CCDC125: variants seen among roughly 807,000 people sequenced by gnomAD.
The protein encoded by CCDC125 is coiled-coil domain-containing protein 125.
A neutral mutation model predicts 57.4 loss-of-function variants in CCDC125; 43 were observed. The ratio of observed to expected loss-of-function variants is 0.75; its 90% CI spans 0.59 to 0.97. The LOEUF is 0.97. CCDC125 is among the 50% of genes least tolerant of loss of function. The pLI, the probability that CCDC125 is intolerant of heterozygous loss-of-function variation, is 0.00. For missense variants in CCDC125, 563 were observed against 595.7 expected (o/e 0.95, Z 0.57); for synonymous variants, 187 against 195.2 (o/e 0.96, Z 0.35).
chr5:69,273,295 CTA>C, the CCDC125 span, among the ~76,000 whole-genome samples: 1 of 150,816 alleles, frequency 6.6e-6, no homozygotes, highest in Admixed American at 6.6e-5. Flanking sequence ...AAATACATGT[CTA>C]TTTCACATAA....
intron 3 of CCDC125, chr5:69,313,685 C>A: frequency 1.3e-6 from 1 of 759,624 alleles, no homozygotes; most frequent in South Asian, 1.4e-5. Context: ...TGTCGATGGT[C>A]TGGTCCACAT....
rs1759807596 is a variant in CCDC125, at chr5:69,320,240, T to TGCTA, written c.297_300dup (p.Thr101Ter). ...AGAGGAAATTCAGCATTCTTACCAG[T>TGCTA]GCTACTTTGTCGTCTGTAATTGGAA... On this transcript the variant is annotated stop_gained and frameshift_variant, in exon 2 of 12. Transcript: ENST00000396496. LOFTEE classifies it high-confidence loss of function. The TGCTA allele has an allele frequency of 1.2e-6, 2 of 1,612,140 alleles. No individual in the cohort carries two copies. The highest frequency in any genetic ancestry group is 3.3e-5 in the Admixed American group (2 of 59,832).
intron 7 of CCDC125, 96 bp from the exon 8 acceptor site, chr5:69,300,223 GCAATACA>G: frequency 1.2e-6 from 1 of 862,926 alleles, no homozygotes; most frequent in East Asian, 2.4e-5. Context: ...TTTCGTACAA[GCAATACA>G]CTACCCACAA....
chr5:69,323,290 CAGAG>C (rs1760326267), intron 1 of CCDC125, among the ~76,000 whole-genome samples: 1 of 150,104 alleles, frequency 6.7e-6, no homozygotes, highest in Non-Finnish European at 1.5e-5. Context: ...GCCTGGGCGA[CAGAG>C]AAAGACTCCA....
chr5:69,278,703 CTTT>C (rs34258569), downstream of CCDC125, among the ~76,000 whole-genome samples: 3 of 108,122 alleles, frequency 2.8e-5, no homozygotes, highest in African/African-American at 3.6e-5. Context: ...TCTCTCTCTC[CTTT>C]TTTTTTTTTT....
At chr5:69,327,298 G>A (rs1006556795) in intron 1 of CCDC125, among the ~76,000 whole-genome samples, 7 of 151,930 alleles carry the variant, frequency 4.6e-5, no homozygotes, top group Admixed American at 2.6e-4. Flanking sequence ...GTTTCACCGC[G>A]TTAGCCAGGA....
chr5:69,329,891 A>G (rs569592396), intron 1 of CCDC125, among the ~76,000 whole-genome samples: 1 of 152,258 alleles, frequency 6.6e-6, no homozygotes. Flanking sequence ...ACTAGAAACA[A>G]TATTTCTGGC....
chr5:69,306,300 G>A (rs1304569419), intron 6 of CCDC125, among the ~76,000 whole-genome samples: 2 of 151,950 alleles, frequency 1.3e-5, no homozygotes, highest in Non-Finnish European at 2.9e-5. Context: ...TTTTAAGATA[G>A]AGTTTATACT....
At chr5:69,318,161 T>G (rs1027043847) in intron 2 of CCDC125, among the ~76,000 whole-genome samples, 4 of 151,570 alleles carry the variant, frequency 2.6e-5, no homozygotes, top group East Asian at 2.0e-4. Flanking sequence ...TTTGTATTTT[T>G]AGTACAGATG....
At chr5:69,321,473 G>A (rs1352097168) in intron 1 of CCDC125, among the ~76,000 whole-genome samples, 1 of 152,118 alleles carries the variant, frequency 6.6e-6, no homozygotes, top group Non-Finnish European at 1.5e-5. Flanking sequence ...AAACCTAGAT[G>A]GTATAGCCTA....
At position 69,282,237 on chromosome 5, in the gene CCDC125, G is replaced by A. The variant is rs1752546152; in HGVS notation, c.*492C>T. On this transcript the variant is annotated 3_prime_UTR_variant, in exon 12 of 12. Coordinates refer to ENST00000396496, the MANE Select transcript of CCDC125 (RefSeq NM_176816.5). ...CAGTAATGTAATTTATAAATAAAAT[G>A]TCAACACAGAATACTAATTTCTTGT... is the stretch of plus-strand genomic sequence containing the variant. 1 of 151,752 alleles carries A rather than the reference G, an allele frequency of 6.6e-6. No homozygotes were observed. 9.4% of individuals were successfully genotyped at this position (151,752 alleles called of 1,614,324 possible). A position where few individuals can be genotyped will look rare whatever the true frequency, so the allele number is the denominator to read the frequency against.
chr5:69,320,097 T>C, intron 2 of CCDC125, 140 bp downstream of exon 2: 4 of 837,138 alleles, frequency 4.8e-6, no homozygotes, highest in Non-Finnish European at 7.4e-6. Context: ...CACTCCAGCC[T>C]GGGTGACAGA....
chr5:69,297,967 T>C (rs1418908358), intron 8 of CCDC125, among the ~76,000 whole-genome samples: 1 of 151,064 alleles, frequency 6.6e-6, no homozygotes, highest in East Asian at 2.0e-4. Context: ...AGTAAGGCCC[T>C]GTCTCAAAAA....
intron 8 of CCDC125, among the ~76,000 whole-genome samples, chr5:69,299,709 A>C (rs1459390222): frequency 1.3e-5 from 2 of 152,242 alleles, no homozygotes; most frequent in Non-Finnish European, 2.9e-5. Flanking sequence ...GAAAGCACTC[A>C]AACGGTAAGC....
At chr5:69,308,217 A>G in intron 4 of CCDC125, 189 bp from the exon 5 acceptor site, 1 of 595,458 alleles carries the variant, frequency 1.7e-6, no homozygotes, top group Non-Finnish European at 3.0e-6. Flanking sequence ...GCTCTTTTCC[A>G]ATGAATGTGG....
intron 2 of CCDC125, among the ~76,000 whole-genome samples, 185 bp from the exon 3 acceptor site, chr5:69,314,231 G>A (rs1196408173): frequency 4.6e-5 from 7 of 152,056 alleles, no homozygotes; most frequent in East Asian, 1.9e-4. Context: ...CTGGGAGGCC[G>A]AGGCGGGCAG....
chr5:69,299,451 C>G (rs1756005618), intron 8 of CCDC125, among the ~76,000 whole-genome samples: 1 of 152,216 alleles, frequency 6.6e-6, no homozygotes, highest in African/African-American at 2.4e-5. Flanking sequence ...CCCTATCACT[C>G]TACTGCTCCA....
chr5:69,277,935 G>T (rs970833256), downstream of CCDC125, among the ~76,000 whole-genome samples: 5 of 152,128 alleles, frequency 3.3e-5, no homozygotes, highest in African/African-American at 1.2e-4. Context: ...ACTCAGGTTG[G>T]AGTGCAGGGG....
At chr5:69,288,214 T>C (rs568742785) in intron 10 of CCDC125, among the ~76,000 whole-genome samples, 2 of 152,246 alleles carry the variant, frequency 1.3e-5, no homozygotes, top group East Asian at 3.9e-4. Context: ...TCCTGGGTAA[T>C]AGAAGCATCT....
Sources: gnomAD v4.1 joint callset for allele counts (sites outside exome capture counted in the v4.1 genomes callset) on GRCh38, gnomAD v4.1.1 for gene constraint, MANE v1.5 for transcripts, NCBI Gene and HGNC (gene_info 2026-07-23, HGNC 2026-07-21) for gene names.